The following ADGRL3 variants were observed in gnomAD, a reference collection of about 807,000 sequenced individuals.
The protein encoded by ADGRL3 is calcium-independent alpha-latrotoxin receptor 3.
In ADGRL3, 62 loss-of-function variants were observed where a neutral mutation model predicts 153.5. The ratio of observed to expected loss-of-function variants is 0.40; its 90% confidence interval spans 0.33 to 0.50. The LOEUF (loss-of-function observed/expected upper bound fraction) is 0.50, where lower values mean the gene tolerates loss of function less well. Among genes scored for constraint, ADGRL3 ranks in the 20% least tolerant of loss-of-function variants. The pLI, the probability that ADGRL3 is intolerant of heterozygous loss-of-function variation, is 0.47. For missense variants in ADGRL3, 1,641 were observed against 1,859.4 expected (o/e 0.88, Z 2.16); for synonymous variants, 710 against 672.5 (o/e 1.06, Z -0.86).
At position 61,972,267 on chromosome 4, in the gene ADGRL3, C is replaced by T. The variant is rs570193136; in HGVS notation, c.2806-7296C>T. Among the ~76,000 whole-genome samples the T allele has an allele frequency of 3.0e-3, 451 of 152,214 alleles. 1 individual carries two copies. The highest frequency in any genetic ancestry group is 5.4e-3 in the Non-Finnish European group (366 of 68,026). On this transcript the variant is annotated intron_variant, in intron 17 of 26. Coordinates refer to ENST00000683033, the MANE Select transcript of ADGRL3 (RefSeq NM_001387552.1). ...TCCTGAATGGTAATGCCTAGGTTTT[C>T]TTCTAGGGTTTTTATGGTTTTAGGT... is the stretch of plus-strand genomic sequence containing the variant.
chr4:61,303,922 A>G, intron 1 of ADGRL3, among the ~76,000 whole-genome samples: 1 of 152,248 alleles, frequency 6.6e-6, no homozygotes, highest in African/African-American at 2.4e-5. Context: ...AAAGATACAC[A>G]TTTAAATACA....
At chr4:61,610,999 A>C (rs1327066234) in intron 5 of ADGRL3, among the ~76,000 whole-genome samples, 3 of 152,170 alleles carry the variant, frequency 2.0e-5, no homozygotes, top group Non-Finnish European at 4.4e-5. Context: ...ATTATGTCAA[A>C]ATGTTAATAT....
intron 6 of ADGRL3, among the ~76,000 whole-genome samples, chr4:61,706,776 C>T (rs939779435): frequency 5.9e-5 from 9 of 152,100 alleles, no homozygotes; most frequent in African/African-American, 1.2e-4. Context: ...TTTTCCATAT[C>T]GGCAATAAAA....
rs1025960394 is a variant in ADGRL3, at chr4:61,372,231, G to A, written c.-239-10893G>A. ...GTCTGAAGCCTTCTTCTCTCAGCTC[G>A]TCAAAGTCATTCTCCGTCCAGCTTT... On this transcript the variant is annotated intron_variant, in intron 1 of 26. Coordinates refer to ENST00000683033, the MANE Select transcript of ADGRL3 (RefSeq NM_001387552.1). Among the ~76,000 whole-genome samples the A allele has an allele frequency of 6.6e-5, 10 of 152,278 alleles. No homozygotes were observed. The East Asian group carries it at 1.7e-3, about 26-fold the overall frequency.
intron 1 of ADGRL3, among the ~76,000 whole-genome samples, chr4:61,327,695 A>G (rs949588091): frequency 7.9e-5 from 12 of 152,146 alleles, no homozygotes; most frequent in Admixed American, 6.6e-4. Context: ...GAGAAATAAT[A>G]CAAATAAAGA....
At chr4:62,056,034 A>AT (rs1560562351) in intron 25 of ADGRL3, among the ~76,000 whole-genome samples, 3 of 151,682 alleles carry the variant, frequency 2.0e-5, no homozygotes, top group Non-Finnish European at 1.5e-5. Flanking sequence ...ACGTTGAAAC[A>AT]TTTTTTGAGG....
At chr4:62,064,376 A>G (rs780490865) in intron 25 of ADGRL3, among the ~76,000 whole-genome samples, 5 of 152,002 alleles carry the variant, frequency 3.3e-5, no homozygotes, top group African/African-American at 1.2e-4. Context: ...AAAACCACTT[A>G]CAATGTAAGC....
chr4:61,787,415 A>AT (rs1234084343), intron 8 of ADGRL3, among the ~76,000 whole-genome samples: 2 of 151,896 alleles, frequency 1.3e-5, no homozygotes, highest in Non-Finnish European at 2.9e-5. Context: ...GGAATGACTA[A>AT]TTTTTTTGCT....
At chr4:61,214,752 A>C (rs1741837481) in intron 1 of ADGRL3, among the ~76,000 whole-genome samples, 1 of 152,062 alleles carries the variant, frequency 6.6e-6, no homozygotes. Flanking sequence ...TCTGGGCAAC[A>C]TTGTTATACC....
At chr4:61,856,544 C>CCT (rs1040075599) in intron 9 of ADGRL3, among the ~76,000 whole-genome samples, 4 of 144,372 alleles carry the variant, frequency 2.8e-5, no homozygotes, top group Non-Finnish European at 6.1e-5. Flanking sequence ...TTCCTCCCTC[C>CCT]CTCTCTCTCT....
At chr4:61,427,334 G>C (rs1005275678) in intron 2 of ADGRL3, 1 of 152,756 alleles carries the variant, frequency 6.5e-6, no homozygotes, top group Non-Finnish European at 1.5e-5. Flanking sequence ...ATTCAGTCAG[G>C]GTGTGGTCGC....
At chr4:61,620,634 CTTTT>C (rs71664993) in intron 5 of ADGRL3, among the ~76,000 whole-genome samples, 1 of 69,704 alleles carries the variant, frequency 1.4e-5, no homozygotes, top group East Asian at 5.0e-4. Context: ...TAAATTGTGA[CTTTT>C]TTTTTTTTTT....
intron 8 of ADGRL3, among the ~76,000 whole-genome samples, chr4:61,782,757 AAGACTCTGCC>A (rs1652728896): frequency 6.6e-6 from 1 of 152,188 alleles, no homozygotes. Context: ...ATAGAGAAAG[AAGACTCTGCC>A]AGTAAAGCAG....
chr4:61,332,883 T>C (rs1385004068), intron 1 of ADGRL3, among the ~76,000 whole-genome samples: 2 of 152,124 alleles, frequency 1.3e-5, no homozygotes, highest in South Asian at 2.1e-4. Flanking sequence ...GCTCTGACGA[T>C]TGGGTTGCTG....
intron 5 of ADGRL3, among the ~76,000 whole-genome samples, chr4:61,594,313 T>C (rs2149438374): frequency 6.6e-6 from 1 of 152,306 alleles, no homozygotes; most frequent in Middle Eastern, 3.4e-3. Flanking sequence ...TGGTGCCTTA[T>C]TTAGTTCATT....
intron 9 of ADGRL3, among the ~76,000 whole-genome samples, chr4:61,869,701 G>A (rs2098425007): frequency 6.6e-6 from 1 of 151,784 alleles, no homozygotes; most frequent in African/African-American, 2.4e-5. Flanking sequence ...CACTTTGGGA[G>A]GCTGAGGCGG....
intron 17 of ADGRL3, among the ~76,000 whole-genome samples, chr4:61,965,884 G>C (rs933392341): frequency 6.6e-6 from 1 of 152,104 alleles, no homozygotes; most frequent in Non-Finnish European, 1.5e-5. Context: ...ACAATTTAAA[G>C]ATCTCCTATA....
chr4:61,894,250 C>T (rs2098610183), intron 10 of ADGRL3, among the ~76,000 whole-genome samples: 1 of 151,942 alleles, frequency 6.6e-6, no homozygotes, highest in South Asian at 2.1e-4. Flanking sequence ...GATTTGGATA[C>T]TTTAAGGAAA....
intron 4 of ADGRL3, among the ~76,000 whole-genome samples, chr4:61,552,872 T>C (rs1160370767): frequency 6.6e-6 from 1 of 152,206 alleles, no homozygotes. Flanking sequence ...GTCTTGTGTC[T>C]TCTTCATATA....
Sources: allele counts gnomAD v4.1 joint callset (sites outside exome capture counted in the v4.1 genomes callset), GRCh38; gene constraint gnomAD v4.1.1; transcripts MANE v1.5; gene names NCBI Gene and HGNC (gene_info 2026-07-23, HGNC 2026-07-21).